SLC9A9: variants seen among roughly 807,000 people sequenced by gnomAD.
SLC9A9 encodes the protein sodium/hydrogen exchanger 9.
A neutral mutation model predicts 77.8 loss-of-function variants in SLC9A9; 62 were observed. That is an observed-to-expected ratio of 0.80 (90% CI 0.65 to 0.98). The LOEUF (loss-of-function observed/expected upper bound fraction) is 0.98, where lower values mean the gene tolerates loss of function less well. Ranked by LOEUF, SLC9A9 falls within the 50% of genes least tolerant of loss-of-function variation. SLC9A9 has a pLI of 0.00. For synonymous variants in SLC9A9, 320 were observed against 283.5 expected, an observed-to-expected ratio of 1.13 and a Z score of -1.29; for missense variants, 775 against 774.9, an observed-to-expected ratio of 1.00 and a Z score of 0.00.
intron 5 of SLC9A9, among the ~76,000 whole-genome samples, chr3:143,686,242 T>C (rs752083642): frequency 1.4e-4 from 22 of 152,176 alleles, no homozygotes; most frequent in Non-Finnish European, 2.5e-4. Flanking sequence ...AAAAGCTCGC[T>C]GTTCTAGATA....
At chr3:143,778,271 C>G (rs527688485) in intron 4 of SLC9A9, among the ~76,000 whole-genome samples, 1 of 152,166 alleles carries the variant, frequency 6.6e-6, no homozygotes, top group South Asian at 2.1e-4. Flanking sequence ...TGGCCTTTTT[C>G]CCTTTATGGC....
At chr3:143,592,722 T>A (rs561431775) in intron 6 of SLC9A9, among the ~76,000 whole-genome samples, 1 of 152,278 alleles carries the variant, frequency 6.6e-6, no homozygotes, top group Admixed American at 6.5e-5. Context: ...GTAAATGATG[T>A]TAACTGTATT....
chr3:143,294,386 A>G (rs1046669524), intron 14 of SLC9A9, among the ~76,000 whole-genome samples: 1 of 152,210 alleles, frequency 6.6e-6, no homozygotes, highest in African/African-American at 2.4e-5. Context: ...GGGCAAAGCT[A>G]AAGTCCTTAC....
intron 4 of SLC9A9, among the ~76,000 whole-genome samples, chr3:143,793,531 G>A (rs1159490562): frequency 6.6e-6 from 1 of 152,106 alleles, no homozygotes; most frequent in Non-Finnish European, 1.5e-5. Flanking sequence ...ACTAACCAAG[G>A]AACATTTGTT....
At chr3:143,570,270 C>T (rs1258088793) in intron 8 of SLC9A9, among the ~76,000 whole-genome samples, 1 of 152,074 alleles carries the variant, frequency 6.6e-6, no homozygotes, top group African/African-American at 2.4e-5. Context: ...AAAAGCTTCT[C>T]CTTCATAAAA....
At chr3:143,332,410 G>A (rs1375838796) in intron 14 of SLC9A9, among the ~76,000 whole-genome samples, 1 of 152,236 alleles carries the variant, frequency 6.6e-6, no homozygotes, top group Admixed American at 6.5e-5. Flanking sequence ...ACAAGTGTGT[G>A]CTGTCATTCT....
intron 9 of SLC9A9, among the ~76,000 whole-genome samples, chr3:143,530,715 A>G (rs934235128): frequency 9.2e-5 from 14 of 152,182 alleles, no homozygotes; most frequent in African/African-American, 3.4e-4. Flanking sequence ...TGCAACATGA[A>G]GAAAAAGGAG....
intron 11 of SLC9A9, among the ~76,000 whole-genome samples, chr3:143,493,264 C>T (rs991621913): frequency 6.6e-6 from 1 of 152,144 alleles, no homozygotes; most frequent in African/African-American, 2.4e-5. Flanking sequence ...AGAAGGAACA[C>T]TGGATAAGGG....
intron 4 of SLC9A9, among the ~76,000 whole-genome samples, chr3:143,722,248 C>T (rs1965188): frequency 0.28 from 42,191 of 151,740 alleles, 6,621 homozygotes; most frequent in East Asian, 0.63. Context: ...CCGAGGCGGG[C>T]GGATCACGAG....
chr3:143,557,118 C>T (rs1017220323), intron 8 of SLC9A9, among the ~76,000 whole-genome samples: 1 of 152,096 alleles, frequency 6.6e-6, no homozygotes, highest in African/African-American at 2.4e-5. Context: ...TAGTTTCCCC[C>T]ATGCTGTTCT....
chr3:143,367,589 G>A (rs952064425), intron 13 of SLC9A9, among the ~76,000 whole-genome samples: 3 of 152,178 alleles, frequency 2.0e-5, no homozygotes, highest in African/African-American at 7.2e-5. Context: ...GAAGATAAAT[G>A]TGCTAAGGGA....
intron 5 of SLC9A9, among the ~76,000 whole-genome samples, chr3:143,660,807 A>G (rs1035224959): frequency 1.3e-5 from 2 of 152,120 alleles, no homozygotes; most frequent in Non-Finnish European, 2.9e-5. Context: ...CCCTTATCCC[A>G]CCACTGACAG....
At chr3:143,572,753 C>A (rs1180510561) in intron 8 of SLC9A9, among the ~76,000 whole-genome samples, 2 of 152,176 alleles carry the variant, frequency 1.3e-5, no homozygotes, top group African/African-American at 4.8e-5. Flanking sequence ...ACCCTTGAAG[C>A]CAACGGGAAT....
chr3:143,816,338 G>A (rs67981921), intron 2 of SLC9A9, among the ~76,000 whole-genome samples: 37,863 of 152,018 alleles, frequency 0.25, 4,740 homozygotes, highest in South Asian at 0.37. Flanking sequence ...CAAGTAGCTA[G>A]GACCCCAGGT....
intron 4 of SLC9A9, among the ~76,000 whole-genome samples, chr3:143,780,668 A>G (rs2007843792): frequency 6.6e-6 from 1 of 152,230 alleles, no homozygotes; most frequent in Admixed American, 6.5e-5. Flanking sequence ...GATGCTAATC[A>G]GAGGGAAAGT....
At position 143,578,569 on chromosome 3, in the gene SLC9A9, T is replaced by A; in HGVS notation, c.894+16A>T. 1 of 1,613,774 alleles carries A rather than the reference T, an allele frequency of 6.2e-7. No homozygotes were observed. Among genetic ancestry groups the A allele is most frequent in the African/African-American group, 1.3e-5 (1 of 75,032 alleles). On this transcript the variant is annotated intron_variant, in intron 7 of 15. Coordinates refer to ENST00000316549, the MANE Select transcript of SLC9A9 (RefSeq NM_173653.4). ...TTCTTGACAGTCCCAGCTTTCCACA[T>A]ACAGACAAAGGATATCAGTGCTGTG... is the stretch of plus-strand genomic sequence containing the variant.
chr3:143,767,885 T>A (rs1245286059), intron 4 of SLC9A9, among the ~76,000 whole-genome samples: 1 of 152,192 alleles, frequency 6.6e-6, no homozygotes, highest in Non-Finnish European at 1.5e-5. Flanking sequence ...AGGTAGTAAT[T>A]ATGTCTCTCA....
At chr3:143,704,145 T>G (rs961297254) in intron 4 of SLC9A9, among the ~76,000 whole-genome samples, 2 of 152,050 alleles carry the variant, frequency 1.3e-5, no homozygotes, top group African/African-American at 2.4e-5. Flanking sequence ...TATCAAAAAT[T>G]TAAAGAACTA....
In SLC9A9 at chr3:143,848,389, A is replaced by G; in HGVS notation, c.-67T>C. 6.2e-7 allele frequency: 1 copy of G among 1,606,080 alleles called. No individual in the cohort carries two copies. Among genetic ancestry groups the G allele is most frequent in the Non-Finnish European group, 8.5e-7 (1 of 1,173,482 alleles). On this transcript the variant is annotated 5_prime_UTR_variant, in exon 1 of 16. Transcript: ENST00000316549. ...AAGGCTATTTTATCAAGATTTGCCT[A>G]AGACAGTCTGACTGCCTGAGAATTT...
Sources: gnomAD v4.1 joint callset for allele counts (sites outside exome capture counted in the v4.1 genomes callset) on GRCh38, gnomAD v4.1.1 for gene constraint, MANE v1.5 for transcripts, NCBI Gene and HGNC (gene_info 2026-07-23, HGNC 2026-07-21) for gene names.